Variants in RNF14 observed in about 807,000 individuals in gnomAD.
RNF14 encodes the protein E3 ubiquitin-protein ligase RNF14.
Under a neutral mutation model 52.6 loss-of-function variants are expected in RNF14, and 26 were observed. The ratio of observed to expected loss-of-function variants is 0.49; its 90% confidence interval spans 0.36 to 0.69. RNF14 has a LOEUF of 0.69. Among genes scored for constraint, RNF14 ranks in the 30% least tolerant of loss-of-function variants. The pLI is 0.00. For missense variants in RNF14, 404 were observed against 560.4 expected, an observed-to-expected ratio of 0.72 and a Z score of 2.82; for synonymous variants, 194 against 202.0, an observed-to-expected ratio of 0.96 and a Z score of 0.34.
chr5:141,986,754 G>A (rs1449023956), intron 8 of RNF14, among the ~76,000 whole-genome samples: 1 of 152,196 alleles, frequency 6.6e-6, no homozygotes. Context: ...TCTAAGGATG[G>A]GAAGAGGAAG....
chr5:141,963,827 C>G (rs754780058), upstream of RNF14, among the ~76,000 whole-genome samples: 2 of 152,172 alleles, frequency 1.3e-5, no homozygotes, highest in African/African-American at 2.4e-5. Flanking sequence ...GAAAATGAGT[C>G]TTCCCATCGT....
intron 4 of RNF14, among the ~76,000 whole-genome samples, chr5:141,977,829 C>G (rs1754399002): frequency 6.6e-6 from 1 of 152,208 alleles, no homozygotes; most frequent in Non-Finnish European, 1.5e-5. Context: ...AATTTTAAAA[C>G]TTGGATAGTA....
At position 141,983,463 on chromosome 5, in the gene RNF14, G is replaced by T. The variant is rs1228301828; in HGVS notation, c.1147G>T (p.Val383Leu). ...RLLDQRYGKR[V>L]IQKALEEMES... ...TTTGGATCAAAGGTATGGTAAGAGAGTGATTCAGAAGGCACTGGAAGAGAT... is the reference window on the plus strand; with the variant it reads ...TTTGGATCAAAGGTATGGTAAGAGATTGATTCAGAAGGCACTGGAAGAGAT... Residue 383 changes from valine to leucine, a missense_variant, in exon 7 of 9, where the codon GTG becomes TTG. Val to Leu is a conservative substitution (Grantham distance 32). Coordinates refer to ENST00000394520, the MANE Select transcript of RNF14 (RefSeq NM_004290.5). 2.5e-6 allele frequency: 4 copies of T among 1,613,686 alleles called. No individual in the cohort carries two copies. Among genetic ancestry groups the T allele is most frequent in the Non-Finnish European group, 3.4e-6 (4 of 1,179,984 alleles).
At chr5:141,966,514 A>C (rs1213275301), upstream of RNF14, among the ~76,000 whole-genome samples, 1 of 152,204 alleles carries the variant, frequency 6.6e-6, no homozygotes, top group Non-Finnish European at 1.5e-5. Context: ...CATTTAAATG[A>C]GAGAATGTAC....
Position 141,973,594 on chromosome 5 carries a change from G to T in RNF14, c.6G>T (p.Ser2=), listed in dbSNP as rs138158057. The change falls in exon 3 of 9, where the codon TCG becomes TCT. Residue 2 remains serine, a synonymous_variant. Transcript: ENST00000394520. M[S]SEDREAQEDE... is the part of the protein sequence containing the mutation. Reference sequence around the variant, plus strand: ...TTTAATGTTTTCAGGTCCTTATGTCGTCAGAAGATCGAGAAGCTCAGGAGG... The same window carrying T: ...TTTAATGTTTTCAGGTCCTTATGTCTTCAGAAGATCGAGAAGCTCAGGAGG... The T allele has an allele frequency of 6.2e-7, 1 of 1,608,058 alleles. No homozygotes were observed. Among genetic ancestry groups the T allele is most frequent in the Non-Finnish European group, 8.5e-7 (1 of 1,178,376 alleles).
upstream of RNF14, among the ~76,000 whole-genome samples, chr5:141,968,723 C>T (rs1206137902): frequency 2.0e-5 from 3 of 152,192 alleles, no homozygotes; most frequent in Non-Finnish European, 4.4e-5. Flanking sequence ...GCGATGAATG[C>T]GTGCTTCCAC....
chr5:141,968,018 T>TAA (rs1753413586), upstream of RNF14, among the ~76,000 whole-genome samples: 2 of 152,212 alleles, frequency 1.3e-5, no homozygotes, highest in African/African-American at 4.8e-5. Flanking sequence ...CCTCCTGCCT[T>TAA]AGTTTCTGGC....
upstream of RNF14, chr5:141,956,793 G>T: frequency 3.1e-6 from 5 of 1,614,252 alleles, no homozygotes; most frequent in Non-Finnish European, 1.7e-6. Flanking sequence ...CCCATGTGAC[G>T]TGGATGCTTG....
chr5:141,969,877 A>G (rs201080185), intron 1 of RNF14: 5 of 152,254 alleles, frequency 3.3e-5, no homozygotes, highest in African/African-American at 9.6e-5. Context: ...AACTGCATGA[A>G]TGAATCTCTC....
intron 2 of RNF14, 98 bp from the exon 3 acceptor site, chr5:141,973,485 G>T (rs550865502): frequency 8.2e-5 from 77 of 942,048 alleles, no homozygotes; most frequent in Admixed American, 1.4e-4. Context: ...TGATCCGCCC[G>T]CCTCGGCCTC....
chr5:141,975,511 T>G (rs975942396), intron 4 of RNF14, among the ~76,000 whole-genome samples: 1 of 152,228 alleles, frequency 6.6e-6, no homozygotes, highest in Admixed American at 6.5e-5. Context: ...CCTGTAGATA[T>G]CTCAGTAAGG....
chr5:141,949,794 C>T, the RNF14 span, among the ~76,000 whole-genome samples: 4 of 152,176 alleles, frequency 2.6e-5, no homozygotes, highest in Admixed American at 1.3e-4. Context: ...TAACACCCAC[C>T]TCACAGGGTG....
At chr5:141,986,562 T>G (rs574314523) in intron 8 of RNF14, among the ~76,000 whole-genome samples, 1 of 152,332 alleles carries the variant, frequency 6.6e-6, no homozygotes, top group Non-Finnish European at 1.5e-5. Context: ...GTGATACCTA[T>G]CCCTCATTAT....
chr5:141,986,622 T>G (rs187574234), intron 8 of RNF14, among the ~76,000 whole-genome samples: 167 of 152,322 alleles, frequency 1.1e-3, no homozygotes, highest in African/African-American at 3.8e-3. Flanking sequence ...AAGGACTGTT[T>G]TGTTCGTTTG....
upstream of RNF14, among the ~76,000 whole-genome samples, chr5:141,967,244 A>G (rs1463453061): frequency 6.6e-6 from 1 of 152,234 alleles, no homozygotes; most frequent in African/African-American, 2.4e-5. Context: ...ATAAAAATGC[A>G]GCCTCTCATT....
intron 6 of RNF14, among the ~76,000 whole-genome samples, chr5:141,981,149 G>A (rs773977539): frequency 5.3e-5 from 8 of 152,110 alleles, no homozygotes; most frequent in African/African-American, 1.7e-4. Flanking sequence ...ATAACTTCAC[G>A]GGGTTATTCT....
intron 5 of RNF14, among the ~76,000 whole-genome samples, chr5:141,979,338 C>T (rs1561552849): frequency 6.6e-6 from 1 of 152,146 alleles, no homozygotes; most frequent in African/African-American, 2.4e-5. Context: ...CAACCTCTGC[C>T]TCCAAGGTTC....
At chr5:141,955,160 C>T, upstream of RNF14, 1 of 1,614,196 alleles carries the variant, frequency 6.2e-7, no homozygotes, top group Non-Finnish European at 8.5e-7. The surrounding 1 kb of genome is among the most constrained non-coding windows in gnomAD (Gnocchi z 5.5). Flanking sequence ...TGTGGGGCTT[C>T]CTCACTGCCC....
intron 6 of RNF14, among the ~76,000 whole-genome samples, chr5:141,981,094 A>G (rs1754733875): frequency 6.6e-6 from 1 of 152,236 alleles, no homozygotes; most frequent in African/African-American, 2.4e-5. Context: ...TAACAGGGAT[A>G]ATGATAACAG....
Sources: gnomAD v4.1 joint callset for allele counts (sites outside exome capture counted in the v4.1 genomes callset) on GRCh38, gnomAD v4.1.1 for gene constraint, Gnocchi (gnomAD v3.1) non-coding constraint, MANE v1.5 for transcripts, NCBI Gene and HGNC (gene_info 2026-07-23, HGNC 2026-07-21) for gene names.